The following COBL variants were observed in gnomAD, a reference collection of about 807,000 sequenced individuals.
The protein encoded by COBL is cordon-bleu WH2 repeat protein, also known as protein cordon-bleu.
COBL carries 51 observed loss-of-function variants against 98.8 expected under a neutral mutation model. The ratio of observed to expected loss-of-function variants is 0.52; its 90% confidence interval spans 0.41 to 0.65. COBL has a LOEUF of 0.65. Ranked by LOEUF, COBL falls within the 30% of genes least tolerant of loss-of-function variation. The pLI is 0.00. For synonymous variants in COBL, 634 were observed against 651.7 expected, an observed-to-expected ratio of 0.97 and a Z score of 0.41; for missense variants, 1,617 against 1,617.5, an observed-to-expected ratio of 1.00 and a Z score of 0.01.
At chr7:51,109,420 T>G (rs1214144052) in intron 6 of COBL, among the ~76,000 whole-genome samples, 1 of 152,194 alleles carries the variant, frequency 6.6e-6, no homozygotes, top group Non-Finnish European at 1.5e-5. Flanking sequence ...AAGGTTGGAT[T>G]CTTTGCCACT....
chr7:51,049,232 C>T (rs1790009328), intron 7 of COBL, among the ~76,000 whole-genome samples: 1 of 152,150 alleles, frequency 6.6e-6, no homozygotes, highest in Non-Finnish European at 1.5e-5. Flanking sequence ...TGATCTTATA[C>T]CAATATTTCC....
chr7:51,287,378 A>G (rs1800465638), intron 1 of COBL, among the ~76,000 whole-genome samples: 1 of 152,258 alleles, frequency 6.6e-6, no homozygotes, highest in Non-Finnish European at 1.5e-5. Context: ...AAATAAACAC[A>G]TAAAGCTTCG....
At position 51,184,203 on chromosome 7, in the gene COBL, GA is replaced by G. The variant is rs751795745; in HGVS notation, c.686-5del. ...AGTGATGATTTCCTAAAGGTTTCTG[GA>G]AAAAAAAAGCACTAAGTTATTTTTC... On this transcript the variant is annotated splice_polypyrimidine_tract_variant and splice_region_variant and intron_variant, in intron 4 of 12. Coordinates refer to ENST00000265136, the MANE Select transcript of COBL (RefSeq NM_015198.5). 2.8e-4 allele frequency: 406 copies of G among 1,452,368 alleles called. No homozygotes were observed. Among genetic ancestry groups the G allele is most frequent in the Admixed American group, 8.4e-4 (34 of 40,302 alleles). 90.0% of individuals were successfully genotyped at this position (1,452,368 alleles called of 1,614,324 possible).
intron 5 of COBL, among the ~76,000 whole-genome samples, chr7:51,164,439 T>G (rs1244096538): frequency 6.6e-6 from 1 of 152,112 alleles, no homozygotes; most frequent in Non-Finnish European, 1.5e-5. Flanking sequence ...AGGGAAAACC[T>G]TACAGGCCAG....
chr7:51,190,871 A>T lies in COBL; in HGVS notation c.664T>A (p.Tyr222Asn). Residue 222 changes from tyrosine (Y) to asparagine (N), a missense_variant, in exon 4 of 13, where the codon TAC becomes AAC. By Grantham distance (143) the Tyr-to-Asn change is moderately radical. This residue lies in a region of COBL where 75 missense variants were observed against 120.5 expected (regional missense o/e 0.62). Transcript: ENST00000265136. Reference protein sequence around the residue: ...SLNELGIKELYAWDNRRETFR... With the variant: ...SLNELGIKELNAWDNRRETFR... ...TCACCTCTTCTGTTGTCCCACGCGT[A>T]GAGCTCCTTTATCCCGAGCTCGTTC... 6.2e-7 allele frequency: 1 copy of T among 1,614,012 alleles called. No homozygotes were observed. Among genetic ancestry groups the T allele is most frequent in the Non-Finnish European group, 8.5e-7 (1 of 1,179,952 alleles).
At chr7:51,107,625 T>A (rs1194455584) in intron 6 of COBL, among the ~76,000 whole-genome samples, 1 of 152,190 alleles carries the variant, frequency 6.6e-6, no homozygotes, top group African/African-American at 2.4e-5. Flanking sequence ...CTTTTAAAAT[T>A]GTACACTGGT....
At chr7:51,116,957 A>G (rs986418825) in intron 6 of COBL, among the ~76,000 whole-genome samples, 3 of 151,996 alleles carry the variant, frequency 2.0e-5, no homozygotes, top group Non-Finnish European at 4.4e-5. Flanking sequence ...ATAATACTTT[A>G]AGTTCTAGGG....
intron 6 of COBL, among the ~76,000 whole-genome samples, chr7:51,106,762 G>A (rs1035740462): frequency 6.6e-6 from 1 of 152,082 alleles, no homozygotes; most frequent in East Asian, 1.9e-4. Flanking sequence ...AGGCATGCTG[G>A]CAGGGAAAAC....
chr7:51,072,308 AT>A (rs1468307626), intron 7 of COBL: 3 of 152,198 alleles, frequency 2.0e-5, no homozygotes, highest in Admixed American at 2.0e-4. Context: ...ACATATGACT[AT>A]TTTTACCTAC....
At chr7:51,248,088 G>A (rs988244273) in intron 1 of COBL, among the ~76,000 whole-genome samples, 4 of 151,994 alleles carry the variant, frequency 2.6e-5, no homozygotes, top group African/African-American at 9.7e-5. Context: ...GCAGTGAGCC[G>A]AGATCACGCC....
chr7:51,219,713 C>T (rs73120437), intron 2 of COBL, 28 bp downstream of exon 2: 97,986 of 1,605,534 alleles, frequency 0.061, 3,467 homozygotes, highest in Non-Finnish European at 0.071. Flanking sequence ...GTGAGTACAG[C>T]GACTCCTCCT....
rs527927938 is a variant in COBL at position 51,198,199 on chromosome 7, T to G, written c.246-4610A>C. On this transcript the variant is annotated intron_variant, in intron 2 of 12. Coordinates refer to ENST00000265136, the MANE Select transcript of COBL (RefSeq NM_015198.5). ...TTCAGGAGCTCCTGTAAGGCAGGTT[T>G]GGAGGTAAGGAATTCCTTCAGCATT... Among the ~76,000 whole-genome samples the G allele has an allele frequency of 5.3e-4, 80 of 152,334 alleles. 1 individual carries two copies. Among genetic ancestry groups the G allele is most frequent in the Non-Finnish European group, 9.8e-4 (67 of 68,028 alleles).
At chr7:51,049,849 G>A (rs757514989) in intron 7 of COBL, among the ~76,000 whole-genome samples, 12 of 152,182 alleles carry the variant, frequency 7.9e-5, no homozygotes, top group Non-Finnish European at 1.6e-4. Flanking sequence ...TTTAGGATTC[G>A]CCTTTGAGAG....
chr7:51,052,527 G>A (rs1790343771), intron 7 of COBL, among the ~76,000 whole-genome samples: 1 of 152,166 alleles, frequency 6.6e-6, no homozygotes, highest in South Asian at 2.1e-4. Flanking sequence ...GAAGTGTGGG[G>A]CAGTGGATGG....
chr7:51,134,508 T>A (rs540183357), intron 6 of COBL, among the ~76,000 whole-genome samples: 53 of 152,318 alleles, frequency 3.5e-4, no homozygotes, highest in African/African-American at 1.2e-3. Flanking sequence ...AAATACAACA[T>A]CTCTTCTGGG....
chr7:51,054,623 C>T (rs571898804), intron 7 of COBL, among the ~76,000 whole-genome samples: 1 of 152,304 alleles, frequency 6.6e-6, no homozygotes, highest in East Asian at 1.9e-4. Flanking sequence ...GGCCAGGGGC[C>T]CTCGGAACCC....
intron 1 of COBL, among the ~76,000 whole-genome samples, chr7:51,222,972 C>T (rs144606851): frequency 2.0e-5 from 3 of 152,356 alleles, no homozygotes; most frequent in East Asian, 3.9e-4. Context: ...TCCCTCCCCA[C>T]GTCCAGTGTC....
At chr7:51,124,820 C>A (rs1252546087) in intron 6 of COBL, among the ~76,000 whole-genome samples, 1 of 148,932 alleles carries the variant, frequency 6.7e-6, no homozygotes, top group East Asian at 1.9e-4. Flanking sequence ...TTCTTTCTTT[C>A]TTTATTTTTG....
At chr7:51,293,001 G>A (rs1465292742) in intron 1 of COBL, among the ~76,000 whole-genome samples, 4 of 152,230 alleles carry the variant, frequency 2.6e-5, no homozygotes, top group African/African-American at 9.6e-5. Flanking sequence ...AAATCAAAAA[G>A]TTTAGATTTA....
Sources: gnomAD v4.1 joint callset for allele counts (sites outside exome capture counted in the v4.1 genomes callset) on GRCh38, gnomAD v4.1.1 for gene constraint, gnomAD v4.1.1 regional missense constraint, MANE v1.5 for transcripts, NCBI Gene and HGNC (gene_info 2026-07-23, HGNC 2026-07-21) for gene names.